The following CDH18 variants were observed in gnomAD, a reference collection of about 807,000 sequenced individuals.
CDH18 encodes the protein cadherin-18.
CDH18 carries 31 observed loss-of-function variants against 67.9 expected under a neutral mutation model. That is an observed-to-expected ratio of 0.46 (90% confidence interval 0.34 to 0.62). CDH18 has a LOEUF of 0.62. CDH18 is among the 20% of genes least tolerant of loss of function. CDH18 has a pLI of 0.01. For missense variants in CDH18, 890 were observed against 975.5 expected (o/e 0.91, Z 1.17); for synonymous variants, 362 against 347.2 (o/e 1.04, Z -0.48).
intron 2 of CDH18, among the ~76,000 whole-genome samples, chr5:19,934,338 T>A (rs1794017036): frequency 6.6e-6 from 1 of 151,488 alleles, no homozygotes; most frequent in South Asian, 2.1e-4. Flanking sequence ...TATATAACTG[T>A]CAATTGCATT....
chr5:19,555,806 G>A (rs1738302834), intron 8 of CDH18, among the ~76,000 whole-genome samples: 1 of 152,088 alleles, frequency 6.6e-6, no homozygotes, highest in African/African-American at 2.4e-5. Flanking sequence ...CCTGGCTGGA[G>A]GCCAACCAAC....
At chr5:20,144,657 A>G (rs970983584) in intron 2 of CDH18, among the ~76,000 whole-genome samples, 4 of 152,184 alleles carry the variant, frequency 2.6e-5, no homozygotes, top group African/African-American at 9.6e-5. Context: ...TGAGAAGGGC[A>G]TAAATTGGGG....
intron 3 of CDH18, among the ~76,000 whole-genome samples, chr5:19,781,167 G>A (rs185890350): frequency 5.2e-4 from 79 of 151,978 alleles, no homozygotes; most frequent in Admixed American, 4.6e-3. Flanking sequence ...TAGTCCAAAA[G>A]TAAATCATGT....
chr5:20,340,988 C>G (rs1031635372), intron 1 of CDH18, among the ~76,000 whole-genome samples: 9 of 152,072 alleles, frequency 5.9e-5, no homozygotes, highest in African/African-American at 2.2e-4. Flanking sequence ...TTTGTCTTCC[C>G]CTGGTGGAGA....
rs1244324127 is a variant in CDH18, at chr5:19,612,600, T to A, written c.645A>T (p.Gly215=). 1.2e-6 allele frequency: 2 copies of A among 1,604,338 alleles called. No individual in the cohort carries two copies. The highest frequency in any genetic ancestry group is 2.2e-5 in the South Asian group (2 of 90,858). Residue 215 remains glycine (G), a splice_region_variant and synonymous_variant, in exon 6 of 13, where the codon GGA becomes GGT. Transcript: ENST00000382275. ...QPYFSVDPKT[G]VIRTALHNMD... is the part of the protein sequence containing the mutation. ...TGTTATGTAAGGCCGTTCTAATAAC[T>A]CCTGTAATAGATATATTTTAATAAA...
intron 2 of CDH18, among the ~76,000 whole-genome samples, chr5:20,156,351 G>T (rs564720898): frequency 1.3e-5 from 2 of 152,148 alleles, no homozygotes; most frequent in South Asian, 2.1e-4. Context: ...ACTGATGAAT[G>T]GATTTAAAAA....
At chr5:20,349,896 C>T (rs1296909587) in intron 1 of CDH18, among the ~76,000 whole-genome samples, 1 of 152,108 alleles carries the variant, frequency 6.6e-6, no homozygotes, top group Non-Finnish European at 1.5e-5. Flanking sequence ...AAAACCTCAA[C>T]TTTTCATATA....
intron 1 of CDH18, among the ~76,000 whole-genome samples, chr5:20,369,872 CTTTTA>C (rs1742832563): frequency 6.6e-6 from 1 of 152,046 alleles, no homozygotes; most frequent in Non-Finnish European, 1.5e-5. Flanking sequence ...TTTCCTTCAA[CTTTTA>C]TTTTAAGTTC....
intron 2 of CDH18, among the ~76,000 whole-genome samples, chr5:20,226,777 C>T (rs903446677): frequency 6.6e-6 from 1 of 151,992 alleles, no homozygotes; most frequent in Non-Finnish European, 1.5e-5. Flanking sequence ...AAAATATACT[C>T]AAGCCACTGG....
At chr5:20,405,484 T>C (rs1461224407) in intron 1 of CDH18, among the ~76,000 whole-genome samples, 22 of 152,122 alleles carry the variant, frequency 1.4e-4, no homozygotes, top group African/African-American at 3.6e-4. Context: ...CATAAAAACC[T>C]GAGAAGAAAA....
chr5:19,501,612 T>G (rs1476048449), intron 11 of CDH18, among the ~76,000 whole-genome samples: 2 of 152,118 alleles, frequency 1.3e-5, no homozygotes, highest in African/African-American at 4.8e-5. Context: ...GTTAAACTGC[T>G]TGAATTGAAC....
At chr5:20,236,308 C>A (rs958934494) in intron 2 of CDH18, among the ~76,000 whole-genome samples, 5 of 150,818 alleles carry the variant, frequency 3.3e-5, no homozygotes, top group African/African-American at 1.2e-4. Flanking sequence ...ATAAAATATA[C>A]ATGCTAATTA....
intron 2 of CDH18, among the ~76,000 whole-genome samples, chr5:19,942,344 C>A (rs749563270): frequency 3.3e-5 from 5 of 152,118 alleles, no homozygotes; most frequent in Non-Finnish European, 5.9e-5. Flanking sequence ...TTGGCCCTTG[C>A]CAATAAGTAC....
chr5:20,064,912 T>A (rs1380757677), intron 2 of CDH18, among the ~76,000 whole-genome samples: 1 of 152,048 alleles, frequency 6.6e-6, no homozygotes, highest in African/African-American at 2.4e-5. Context: ...TTCTTATATG[T>A]TTATATAAGT....
intron 1 of CDH18, among the ~76,000 whole-genome samples, chr5:20,291,048 A>G (rs557246035): frequency 2.0e-5 from 3 of 152,292 alleles, no homozygotes; most frequent in African/African-American, 7.2e-5. Flanking sequence ...GAGAGTGATT[A>G]TAAGAATGAA....
At chr5:19,508,084 A>T (rs1744507508) in intron 10 of CDH18, among the ~76,000 whole-genome samples, 1 of 150,864 alleles carries the variant, frequency 6.6e-6, no homozygotes, top group East Asian at 1.9e-4. Flanking sequence ...CAAAAACGAG[A>T]ATGTCAGTCT....
intron 1 of CDH18, among the ~76,000 whole-genome samples, chr5:20,346,892 T>C (rs960432221): frequency 4.6e-5 from 7 of 152,170 alleles, no homozygotes; most frequent in Admixed American, 6.5e-5. Flanking sequence ...CCAAATGTCA[T>C]TAGATTTACT....
intron 5 of CDH18, among the ~76,000 whole-genome samples, chr5:19,717,061 T>C (rs973913489): frequency 2.6e-5 from 4 of 152,192 alleles, no homozygotes; most frequent in Middle Eastern, 3.4e-3. Flanking sequence ...CATTTCATGT[T>C]AATTATGGTC....
At chr5:20,423,053 G>C in intron 1 of CDH18, among the ~76,000 whole-genome samples, 1 of 151,068 alleles carries the variant, frequency 6.6e-6, no homozygotes, top group South Asian at 2.1e-4. Flanking sequence ...AAAATGATTT[G>C]GTGGAAACAC....
Sources: allele counts gnomAD v4.1 joint callset (sites outside exome capture counted in the v4.1 genomes callset), GRCh38; gene constraint gnomAD v4.1.1; transcripts MANE v1.5; gene names NCBI Gene and HGNC (gene_info 2026-07-23, HGNC 2026-07-21).